NXPH1: variants seen among roughly 807,000 people sequenced by gnomAD.
NXPH1 encodes neurexophilin-1.
Under a neutral mutation model 23.7 loss-of-function variants are expected in NXPH1, and 5 were observed. The observed-to-expected ratio is 0.21, with a 90% CI of 0.11 to 0.44. NXPH1 has a LOEUF of 0.44. NXPH1 is among the 20% of genes least tolerant of loss of function. The pLI is 0.99. For synonymous variants in NXPH1, 144 were observed against 122.2 expected (o/e 1.18, Z -1.18); for missense variants, 324 against 321.6 (o/e 1.01, Z -0.06).
chr7:8,557,926 A>G (rs368675634), intron 2 of NXPH1, among the ~76,000 whole-genome samples: 3 of 151,622 alleles, frequency 2.0e-5, no homozygotes, highest in Non-Finnish European at 3.0e-5. Context: ...AGTTCCTCCC[A>G]GTTTATCCCC....
chr7:8,591,796 C>G (rs1431533402), intron 2 of NXPH1, among the ~76,000 whole-genome samples: 2 of 150,714 alleles, frequency 1.3e-5, no homozygotes, highest in South Asian at 2.1e-4. Flanking sequence ...TTAATGAACA[C>G]TGTATTTGCT....
chr7:8,681,890 G>C (rs977458), intron 2 of NXPH1, among the ~76,000 whole-genome samples: 102,509 of 152,050 alleles, frequency 0.67, 34,815 homozygotes, highest in Middle Eastern at 0.77. Context: ...CCATATGTGC[G>C]TCATTTACTG....
intron 2 of NXPH1, among the ~76,000 whole-genome samples, chr7:8,585,658 A>T (rs1818964013): frequency 6.6e-6 from 1 of 152,178 alleles, no homozygotes; most frequent in Non-Finnish European, 1.5e-5. Context: ...TTTTGGCTGG[A>T]CTGTTTATAT....
chr7:8,601,161 A>G (rs1362394704), intron 2 of NXPH1, among the ~76,000 whole-genome samples: 1 of 152,068 alleles, frequency 6.6e-6, no homozygotes, highest in African/African-American at 2.4e-5. Flanking sequence ...ATGAGTTTAT[A>G]TACTTTTCCA....
chr7:8,475,029 T>G (rs1023690013), intron 2 of NXPH1, among the ~76,000 whole-genome samples: 2 of 152,146 alleles, frequency 1.3e-5, no homozygotes, highest in African/African-American at 4.8e-5. Context: ...CCCCTACTTG[T>G]GGGAGGCCAT....
intron 2 of NXPH1, among the ~76,000 whole-genome samples, chr7:8,542,091 A>G (rs1347237660): frequency 6.6e-6 from 1 of 151,468 alleles, no homozygotes; most frequent in East Asian, 1.9e-4. Context: ...ATCTATTAAT[A>G]ACTATATGTG....
At chr7:8,470,376 T>C (rs1483002010) in intron 2 of NXPH1, among the ~76,000 whole-genome samples, 1 of 152,174 alleles carries the variant, frequency 6.6e-6, no homozygotes, top group African/African-American at 2.4e-5. Context: ...ACTAACATTC[T>C]TGAAGACGCC....
intron 2 of NXPH1, among the ~76,000 whole-genome samples, chr7:8,557,953 C>T (rs1434874263): frequency 6.6e-6 from 1 of 151,642 alleles, no homozygotes; most frequent in African/African-American, 2.4e-5. Flanking sequence ...GAATGTACTT[C>T]ATCTCTTCTA....
intron 2 of NXPH1, among the ~76,000 whole-genome samples, chr7:8,514,096 A>G (rs1817654138): frequency 6.6e-6 from 1 of 152,006 alleles, no homozygotes; most frequent in Non-Finnish European, 1.5e-5. Flanking sequence ...TAATCATCTC[A>G]TCTTTGCTAA....
At position 8,632,403 on chromosome 7, in the gene NXPH1, A is replaced by T. The variant is rs973149116; in HGVS notation, c.55-118605A>T. 9.9e-5 allele frequency among the ~76,000 whole-genome samples: 15 copies of T among 152,198 alleles called. No individual in the cohort carries two copies. The East Asian group carries it at 2.5e-3, about 25-fold the overall frequency. ...TGCTTACCTGTTTACATTCAAGTAG[A>T]TGTATAACTTTATGTCTTTGGCTCT... is the stretch of plus-strand genomic sequence containing the variant. On this transcript the variant is annotated intron_variant, in intron 2 of 2. Coordinates refer to ENST00000405863, the MANE Select transcript of NXPH1 (RefSeq NM_152745.3).
intron 2 of NXPH1, among the ~76,000 whole-genome samples, chr7:8,443,483 G>A (rs1563311733): frequency 1.3e-5 from 2 of 152,378 alleles, no homozygotes; most frequent in East Asian, 1.9e-4. Context: ...GGGGAGAAGC[G>A]ATTCCTGCCC....
intron 2 of NXPH1, among the ~76,000 whole-genome samples, chr7:8,508,812 A>G (rs1379120901): frequency 2.6e-5 from 4 of 152,080 alleles, no homozygotes; most frequent in Non-Finnish European, 4.4e-5. Flanking sequence ...TTGGCCCTCA[A>G]GTCTCTGTGG....
intron 2 of NXPH1, among the ~76,000 whole-genome samples, chr7:8,685,041 C>A (rs1326067905): frequency 6.6e-6 from 1 of 152,068 alleles, no homozygotes; most frequent in African/African-American, 2.4e-5. Flanking sequence ...TCATCCTAGA[C>A]CTACTTTTCT....
chr7:8,477,708 T>A (rs187286918), intron 2 of NXPH1, among the ~76,000 whole-genome samples: 2 of 152,262 alleles, frequency 1.3e-5, no homozygotes, highest in Admixed American at 6.5e-5. Flanking sequence ...GGAGGATGGC[T>A]GCATCAGGAT....
At chr7:8,725,340 A>G (rs1780033587) in intron 2 of NXPH1, among the ~76,000 whole-genome samples, 1 of 152,036 alleles carries the variant, frequency 6.6e-6, no homozygotes, top group Admixed American at 6.5e-5. Flanking sequence ...AAATACAAAA[A>G]TTAACTGGGC....
chr7:8,736,823 A>C (rs1347711549), intron 2 of NXPH1, among the ~76,000 whole-genome samples: 1 of 152,164 alleles, frequency 6.6e-6, no homozygotes, highest in African/African-American at 2.4e-5. Context: ...TATTGGGTGC[A>C]TATATATTTA....
intron 2 of NXPH1, among the ~76,000 whole-genome samples, chr7:8,493,267 T>C (rs190031717): frequency 1.3e-5 from 2 of 152,192 alleles, no homozygotes; most frequent in East Asian, 1.9e-4. Flanking sequence ...GTACCAGCCA[T>C]GGAAGGAAGT....
chr7:8,716,236 A>G (rs905422303), intron 2 of NXPH1, among the ~76,000 whole-genome samples: 4 of 151,896 alleles, frequency 2.6e-5, no homozygotes, highest in Non-Finnish European at 5.9e-5. Flanking sequence ...TTTATATTAC[A>G]CTCCTCAAAA....
At chr7:8,542,858 G>A (rs1818141646) in intron 2 of NXPH1, among the ~76,000 whole-genome samples, 1 of 151,490 alleles carries the variant, frequency 6.6e-6, no homozygotes. Context: ...TGGGTACTAT[G>A]AGAAAGACTT....
Sources: allele counts gnomAD v4.1 joint callset (sites outside exome capture counted in the v4.1 genomes callset), GRCh38; gene constraint gnomAD v4.1.1; transcripts MANE v1.5; gene names NCBI Gene and HGNC (gene_info 2026-07-23, HGNC 2026-07-21).